MYRIP: variants seen among roughly 807,000 people sequenced by gnomAD.
The protein encoded by MYRIP is rab effector MyRIP.
MYRIP carries 49 observed loss-of-function variants against 98.0 expected under a neutral mutation model. The observed-to-expected ratio is 0.50, with a 90% CI of 0.40 to 0.63. The LOEUF (loss-of-function observed/expected upper bound fraction) is 0.63. Among genes scored for constraint, MYRIP ranks in the 30% least tolerant of loss-of-function variants. MYRIP has a pLI of 0.00. For synonymous variants in MYRIP, 404 were observed against 409.5 expected (o/e 0.99, Z 0.16); for missense variants, 1,004 against 1,058.2 (o/e 0.95, Z 0.71).
chr3:39,985,100 A>T (rs536125853), intron 2 of MYRIP, among the ~76,000 whole-genome samples: 12 of 151,990 alleles, frequency 7.9e-5, no homozygotes, highest in African/African-American at 2.4e-4. Flanking sequence ...AATTTGTTTG[A>T]GTTCATTGTA....
chr3:40,081,295 T>A (rs2125870417), intron 3 of MYRIP, among the ~76,000 whole-genome samples: 1 of 152,284 alleles, frequency 6.6e-6, no homozygotes, highest in Admixed American at 6.5e-5. Flanking sequence ...CTTCCTCAAT[T>A]TTTGACTGCT....
At position 39,839,445 on chromosome 3, in the gene MYRIP, A is replaced by G. The variant is rs368299795; in HGVS notation, c.-31+29529A>G. 3.3e-5 allele frequency among the ~76,000 whole-genome samples: 5 copies of G among 152,096 alleles called. No homozygotes were observed. The East Asian group carries it at 7.7e-4, about 24-fold the overall frequency. ...GCTAATTTTTGTACTTTTAGTAGAG[A>G]TGGGGTTTCACCAAGTTGGCCAGAC... On this transcript the variant is annotated intron_variant, in intron 1 of 16. Coordinates refer to ENST00000302541, the MANE Select transcript of MYRIP (RefSeq NM_015460.4).
chr3:40,083,759 A>G (rs1304738393), intron 3 of MYRIP, among the ~76,000 whole-genome samples: 2 of 152,182 alleles, frequency 1.3e-5, no homozygotes, highest in Admixed American at 6.5e-5. Context: ...AAGTGGCACA[A>G]TATTTTTTAA....
intron 2 of MYRIP, among the ~76,000 whole-genome samples, chr3:39,972,251 G>A (rs189036199): frequency 3.7e-4 from 56 of 151,978 alleles, no homozygotes; most frequent in Admixed American, 8.5e-4. Context: ...TAACAACACT[G>A]GTTTCTTCTC....
intron 1 of MYRIP, among the ~76,000 whole-genome samples, chr3:39,878,335 A>G (rs1943065657): frequency 6.6e-6 from 1 of 152,178 alleles, no homozygotes; most frequent in Non-Finnish European, 1.5e-5. Flanking sequence ...CAGCTCGAGC[A>G]CAGTGCGCTG....
chr3:40,130,582 G>A (rs1233758501), intron 3 of MYRIP, among the ~76,000 whole-genome samples: 4 of 151,452 alleles, frequency 2.6e-5, no homozygotes, highest in East Asian at 1.9e-4. Flanking sequence ...GGGTTTCACC[G>A]TGTTAGCCAG....
intron 3 of MYRIP, among the ~76,000 whole-genome samples, chr3:40,063,832 A>G (rs1948071837): frequency 6.6e-6 from 1 of 152,166 alleles, no homozygotes; most frequent in African/African-American, 2.4e-5. Flanking sequence ...TTTTGTGGAA[A>G]AAGGTCTGTG....
chr3:40,111,805 TA>T (rs1575546203), intron 3 of MYRIP, among the ~76,000 whole-genome samples: 4 of 152,164 alleles, frequency 2.6e-5, no homozygotes, highest in African/African-American at 9.7e-5. Flanking sequence ...ATTGAGTAAT[TA>T]CTGTGCTAAG....
At chr3:39,999,375 G>A (rs559755925) in intron 2 of MYRIP, among the ~76,000 whole-genome samples, 1 of 152,306 alleles carries the variant, frequency 6.6e-6, no homozygotes, top group African/African-American at 2.4e-5. Context: ...GATATGAACA[G>A]ACACTTCTCA....
At chr3:39,974,799 C>G (rs1262878228) in intron 2 of MYRIP, among the ~76,000 whole-genome samples, 5 of 152,088 alleles carry the variant, frequency 3.3e-5, no homozygotes, top group Non-Finnish European at 5.9e-5. Context: ...TGATAAAAAC[C>G]ATATGATAAT....
intron 3 of MYRIP, among the ~76,000 whole-genome samples, chr3:40,086,273 G>T (rs1948624543): frequency 6.6e-6 from 1 of 152,214 alleles, no homozygotes; most frequent in Admixed American, 6.5e-5. Context: ...GGTCTGAAAG[G>T]TCCTCTCAAA....
chr3:40,184,694 A>G (rs1259448729), intron 9 of MYRIP, among the ~76,000 whole-genome samples: 1 of 152,266 alleles, frequency 6.6e-6, no homozygotes, highest in East Asian at 1.9e-4. Flanking sequence ...TTCACAAAAT[A>G]GTTTCCAACT....
At chr3:40,197,935 G>A (rs1951444685) in intron 10 of MYRIP, among the ~76,000 whole-genome samples, 1 of 152,134 alleles carries the variant, frequency 6.6e-6, no homozygotes, top group Non-Finnish European at 1.5e-5. Flanking sequence ...TTAAGATAGG[G>A]GATTTTTGTT....
intron 1 of MYRIP, among the ~76,000 whole-genome samples, chr3:39,824,335 G>A (rs545345265): frequency 1.1e-4 from 17 of 151,940 alleles, no homozygotes; most frequent in African/African-American, 4.1e-4. Flanking sequence ...GGCTGTTTGG[G>A]GTCTTTTGTG....
intron 2 of MYRIP, among the ~76,000 whole-genome samples, chr3:39,992,170 A>G (rs1424284010): frequency 6.6e-6 from 1 of 151,760 alleles, no homozygotes; most frequent in Non-Finnish European, 1.5e-5. Context: ...TGTCATTAGA[A>G]CTCCTAATCT....
chr3:40,052,933 G>A (rs975944293), intron 3 of MYRIP, among the ~76,000 whole-genome samples: 35 of 151,966 alleles, frequency 2.3e-4, no homozygotes, highest in African/African-American at 8.0e-4. Flanking sequence ...TATGTAATAA[G>A]GAAAACATAG....
chr3:39,900,735 G>T, intron 1 of MYRIP, 52 bp from the exon 2 acceptor site: 1 of 954,894 alleles, frequency 1.0e-6, no homozygotes, highest in South Asian at 1.5e-5. Context: ...AAAATAGGTT[G>T]ATTTTGTCCA....
At chr3:40,211,720 G>C (rs1263322984) in intron 11 of MYRIP, among the ~76,000 whole-genome samples, 1 of 152,132 alleles carries the variant, frequency 6.6e-6, no homozygotes, top group African/African-American at 2.4e-5. Context: ...TGCTGCCTAT[G>C]GTCCCAAGGC....
chr3:40,088,236 C>T (rs912668105), intron 3 of MYRIP, among the ~76,000 whole-genome samples: 1 of 152,140 alleles, frequency 6.6e-6, no homozygotes, highest in Non-Finnish European at 1.5e-5. Flanking sequence ...TACTAGTCTC[C>T]AAACCTCAGA....
Sources: gnomAD v4.1 joint callset for allele counts (sites outside exome capture counted in the v4.1 genomes callset) on GRCh38, gnomAD v4.1.1 for gene constraint, MANE v1.5 for transcripts, NCBI Gene and HGNC (gene_info 2026-07-23, HGNC 2026-07-21) for gene names.